EPB41L3: variants seen among roughly 807,000 people sequenced by gnomAD.
EPB41L3 encodes the protein band 4.1-like protein 3.
A neutral mutation model predicts 127.1 loss-of-function variants in EPB41L3; 57 were observed. That is an observed-to-expected ratio of 0.45 (90% CI 0.36 to 0.56). EPB41L3 has a LOEUF of 0.56. Ranked by LOEUF, EPB41L3 falls within the 20% of genes least tolerant of loss-of-function variation. The pLI is 0.00. For synonymous variants in EPB41L3, 572 were observed against 549.5 expected (o/e 1.04, Z -0.57); for missense variants, 1,273 against 1,372.2 (o/e 0.93, Z 1.14).
At chr18:5,433,686 TA>T in intron 7 of EPB41L3, 130 bp from the exon 8 acceptor site, 2 of 914,954 alleles carry the variant, frequency 2.2e-6, no homozygotes. Flanking sequence ...GAGAAAAGAA[TA>T]ACAAGAAAAA....
intron 16 of EPB41L3, among the ~76,000 whole-genome samples, chr18:5,403,035 T>G (rs1217612186): frequency 6.6e-6 from 1 of 152,210 alleles, no homozygotes; most frequent in African/African-American, 2.4e-5. Flanking sequence ...TAGCAGATAC[T>G]GCTTTTTTAC....
chr18:5,407,089 G>A, intron 15 of EPB41L3, 121 bp from the exon 16 acceptor site: 2 of 874,646 alleles, frequency 2.3e-6, no homozygotes, highest in Non-Finnish European at 3.6e-6. Flanking sequence ...ACAAAATTTT[G>A]ATCAAGGCTC....
intron 1 of EPB41L3, among the ~76,000 whole-genome samples, chr18:5,531,318 C>T (rs2093404220): frequency 6.6e-6 from 1 of 152,084 alleles, no homozygotes; most frequent in South Asian, 2.1e-4. Flanking sequence ...TTTTGGTTAG[C>T]CAGAATTGCA....
At chr18:5,619,186 T>C (rs1265108188) in intron 1 of EPB41L3, among the ~76,000 whole-genome samples, 6 of 152,014 alleles carry the variant, frequency 3.9e-5, no homozygotes, top group Non-Finnish European at 8.8e-5. Context: ...AGGTGGGGGT[T>C]AGGATGAAGT....
At chr18:5,407,657 T>G in intron 15 of EPB41L3, 44 bp downstream of exon 15, 3 of 1,590,988 alleles carry the variant, frequency 1.9e-6, no homozygotes, top group Non-Finnish European at 2.6e-6. Flanking sequence ...TCACACACTG[T>G]TGTTTTGTTG....
chr18:5,518,869 G>T (rs142754589), intron 1 of EPB41L3, among the ~76,000 whole-genome samples: 7 of 152,224 alleles, frequency 4.6e-5, no homozygotes, highest in Non-Finnish European at 8.8e-5. Flanking sequence ...CAGATAAAAA[G>T]GAGTACGCAA....
intron 3 of EPB41L3, among the ~76,000 whole-genome samples, chr18:5,584,181 A>T (rs1225699598): frequency 6.6e-6 from 1 of 152,184 alleles, no homozygotes; most frequent in Non-Finnish European, 1.5e-5. Flanking sequence ...TCTACCCATA[A>T]TGCCACTGGA....
intron 3 of EPB41L3, among the ~76,000 whole-genome samples, chr18:5,607,110 A>G (rs572922744): frequency 6.6e-6 from 1 of 152,372 alleles, no homozygotes; most frequent in East Asian, 1.9e-4. Context: ...CATATGATCA[A>G]CAGTCACCAG....
intron 3 of EPB41L3, among the ~76,000 whole-genome samples, chr18:5,576,278 ATAG>A (rs2094335986): frequency 6.6e-6 from 1 of 152,230 alleles, no homozygotes; most frequent in African/African-American, 2.4e-5. Context: ...CTTTTCCCAA[ATAG>A]TAGGATTGTT....
At chr18:5,560,790 G>A (rs1161763819) in intron 3 of EPB41L3, among the ~76,000 whole-genome samples, 1 of 152,064 alleles carries the variant, frequency 6.6e-6, no homozygotes, top group Non-Finnish European at 1.5e-5. Context: ...GGGGTGGGGA[G>A]AACGAAGGAC....
chr18:5,493,563 T>C (rs2090841583), intron 1 of EPB41L3, among the ~76,000 whole-genome samples: 1 of 149,200 alleles, frequency 6.7e-6, no homozygotes, highest in Admixed American at 6.7e-5. Flanking sequence ...CTGAATTTTT[T>C]CTATTTGCAT....
intron 1 of EPB41L3, among the ~76,000 whole-genome samples, chr18:5,510,161 A>C (rs1415657107): frequency 6.6e-6 from 1 of 152,202 alleles, no homozygotes; most frequent in Non-Finnish European, 1.5e-5. Flanking sequence ...CTCAGGCAAC[A>C]CCTGCATCTG....
At chr18:5,510,968 G>T (rs2092481419) in intron 1 of EPB41L3, among the ~76,000 whole-genome samples, 1 of 151,980 alleles carries the variant, frequency 6.6e-6, no homozygotes, top group Admixed American at 6.6e-5. Flanking sequence ...AAACAAAAGA[G>T]GAGACTTTGA....
intron 3 of EPB41L3, among the ~76,000 whole-genome samples, chr18:5,609,034 T>C (rs1599292638): frequency 6.6e-6 from 1 of 152,312 alleles, no homozygotes; most frequent in Admixed American, 6.5e-5. Flanking sequence ...TAACATTCAA[T>C]ACATTTTTAG....
At chr18:5,480,538 A>G (rs2147985325) in intron 2 of EPB41L3, among the ~76,000 whole-genome samples, 1 of 152,326 alleles carries the variant, frequency 6.6e-6, no homozygotes, top group Admixed American at 6.5e-5. Context: ...CCCATGTTCT[A>G]ATCGTTACTA....
At chr18:5,460,765 C>T (rs1425061893) in intron 3 of EPB41L3, among the ~76,000 whole-genome samples, 2 of 152,110 alleles carry the variant, frequency 1.3e-5, no homozygotes, top group South Asian at 2.1e-4. Flanking sequence ...GCATGGACAC[C>T]GGGTTGAGGC....
chr18:5,616,132 C>T (rs2094792235), intron 1 of EPB41L3, among the ~76,000 whole-genome samples: 1 of 150,274 alleles, frequency 6.7e-6, no homozygotes, highest in African/African-American at 2.4e-5. Context: ...CAGCACCACC[C>T]TTCCCTCACC....
intron 3 of EPB41L3, among the ~76,000 whole-genome samples, chr18:5,600,709 A>G (rs1197472098): frequency 6.6e-6 from 1 of 152,204 alleles, no homozygotes; most frequent in Non-Finnish European, 1.5e-5. Context: ...CTACAGTACC[A>G]ACAAAACCAA....
chr18:5,616,166 C>T (rs1028282368), intron 1 of EPB41L3, among the ~76,000 whole-genome samples: 4 of 152,140 alleles, frequency 2.6e-5, no homozygotes, highest in Non-Finnish European at 5.9e-5. Flanking sequence ...GCTGTTACCC[C>T]GGCTCCTGCA....
Sources: gnomAD v4.1 joint callset for allele counts (sites outside exome capture counted in the v4.1 genomes callset) on GRCh38, gnomAD v4.1.1 for gene constraint, MANE v1.5 for transcripts, NCBI Gene and HGNC (gene_info 2026-07-23, HGNC 2026-07-21) for gene names.